RAP1GAP: variants seen among roughly 807,000 people sequenced by gnomAD.
RAP1GAP encodes RAP1 GTPase activating protein.
In RAP1GAP, 35 loss-of-function variants were observed where a neutral mutation model predicts 87.2. That is an observed-to-expected ratio of 0.40 (90% CI 0.31 to 0.53). RAP1GAP has a LOEUF of 0.53. Among genes scored for constraint, RAP1GAP ranks in the 20% least tolerant of loss-of-function variants. The pLI is 0.48. For missense variants in RAP1GAP, 734 were observed against 898.9 expected (o/e 0.82, Z 2.35); for synonymous variants, 375 against 363.9 (o/e 1.03, Z -0.35).
intron 1 of RAP1GAP, among the ~76,000 whole-genome samples, chr1:21,653,589 T>TTCCG (rs2096732054): frequency 2.0e-5 from 2 of 98,806 alleles, no homozygotes; most frequent in African/African-American, 3.3e-5. Context: ...CCTTCCTTCC[T>TTCCG]TCCTCCCTCC....
chr1:21,599,900 C>T (rs748448656), intron 20 of RAP1GAP, among the ~76,000 whole-genome samples: 12 of 152,338 alleles, frequency 7.9e-5, no homozygotes, highest in Non-Finnish European at 1.5e-4. Flanking sequence ...ATATCCTTGG[C>T]GTGGTGTTCA....
At chr1:21,667,415 C>T (rs144082628) in intron 1 of RAP1GAP, among the ~76,000 whole-genome samples, 4 of 152,282 alleles carry the variant, frequency 2.6e-5, no homozygotes, top group Non-Finnish European at 4.4e-5. Flanking sequence ...CAGGCAGGCA[C>T]CTTGGGAAGA....
At chr1:21,597,658 A>G in intron 24 of RAP1GAP, 28 bp downstream of exon 24, 1 of 1,561,516 alleles carries the variant, frequency 6.4e-7, no homozygotes, top group Non-Finnish European at 8.8e-7. Context: ...CTCTCCCACC[A>G]AACACAAGCT....
intron 3 of RAP1GAP, 44 bp downstream of exon 3, chr1:21,626,260 T>A: frequency 6.7e-7 from 1 of 1,487,564 alleles, no homozygotes; most frequent in South Asian, 1.1e-5. Flanking sequence ...GTGTCGGAGG[T>A]AGGGGGCAGA....
At position 21,609,331 on chromosome 1, in the gene RAP1GAP, G is replaced by A. The variant is rs143485502; in HGVS notation, c.1071+244C>T. ...CTGTCAGAAAGAGAACAGAAATGAG[G>A]AGAGGCCAGTCTACTATGGAAAGTG... On this transcript the variant is annotated intron_variant, in intron 15 of 24. Transcript: ENST00000374765. The surrounding 1 kb of genome is among the most constrained non-coding windows in gnomAD (Gnocchi z 4.4). Among the ~76,000 whole-genome samples the A allele has an allele frequency of 1.1e-4, 17 of 152,060 alleles. No individual in the cohort carries two copies. The highest frequency in any genetic ancestry group is 3.6e-4 in the African/African-American group (15 of 41,468).
intron 18 of RAP1GAP, among the ~76,000 whole-genome samples, chr1:21,604,449 G>A (rs896766659): frequency 3.3e-5 from 5 of 152,130 alleles, no homozygotes; most frequent in Admixed American, 2.6e-4. Context: ...CAAGGAGAGA[G>A]AGTAGAATGA....
intron 2 of RAP1GAP, among the ~76,000 whole-genome samples, chr1:21,641,841 C>T (rs969792211): frequency 6.6e-6 from 1 of 152,164 alleles, no homozygotes; most frequent in African/African-American, 2.4e-5. Context: ...GCCAACCTTC[C>T]CATTTCATAG....
At chr1:21,647,247 G>A (rs2096140779) in intron 2 of RAP1GAP, among the ~76,000 whole-genome samples, 1 of 152,164 alleles carries the variant, frequency 6.6e-6, no homozygotes, top group Non-Finnish European at 1.5e-5. Context: ...GATCACTTGA[G>A]CTCAGGAGTT....
At chr1:21,620,868 TCTCC>T (rs892617914) in intron 3 of RAP1GAP, among the ~76,000 whole-genome samples, 2 of 140,512 alleles carry the variant, frequency 1.4e-5, no homozygotes, top group Non-Finnish European at 3.2e-5. Context: ...TCTCTCTCTC[TCTCC>T]ATCTTTCTCC....
chr1:21,656,040 C>G (rs1236713080), intron 1 of RAP1GAP, among the ~76,000 whole-genome samples: 1 of 152,222 alleles, frequency 6.6e-6, no homozygotes, highest in Non-Finnish European at 1.5e-5. Flanking sequence ...CTGCCCTGGC[C>G]CAGGCAGCCT....
intron 2 of RAP1GAP, among the ~76,000 whole-genome samples, chr1:21,630,483 C>T (rs185710382): frequency 6.0e-5 from 9 of 150,178 alleles, no homozygotes; most frequent in East Asian, 2.0e-4. Flanking sequence ...CTGGAACTTC[C>T]GGGCTCAAGA....
intron 2 of RAP1GAP, among the ~76,000 whole-genome samples, chr1:21,630,841 G>A (rs959166623): frequency 1.3e-5 from 2 of 152,124 alleles, no homozygotes; most frequent in African/African-American, 4.8e-5. Flanking sequence ...ACAGGCATAA[G>A]CCACTGCACC....
chr1:21,617,168 T>A, intron 7 of RAP1GAP, 138 bp downstream of exon 7: 1 of 949,810 alleles, frequency 1.1e-6, no homozygotes, highest in South Asian at 1.7e-5. Context: ...GTGTGTGTGG[T>A]GGGAGCACAT....
At chr1:21,654,467 A>G (rs1251821013) in intron 1 of RAP1GAP, among the ~76,000 whole-genome samples, 1 of 152,210 alleles carries the variant, frequency 6.6e-6, no homozygotes, top group Non-Finnish European at 1.5e-5. Context: ...TTTGCCAAGG[A>G]TTACATAAGT....
chr1:21,598,565 C>T (rs1646648826), intron 21 of RAP1GAP, 63 bp from the exon 22 acceptor site: 3 of 1,277,032 alleles, frequency 2.3e-6, no homozygotes, highest in African/African-American at 2.9e-5. Context: ...GCTAGGGCTC[C>T]CTCCCAGCCC....
At chr1:21,633,488 G>A (rs1051365344) in intron 2 of RAP1GAP, among the ~76,000 whole-genome samples, 1 of 152,210 alleles carries the variant, frequency 6.6e-6, no homozygotes, top group Non-Finnish European at 1.5e-5. Flanking sequence ...GGCCAGGGCA[G>A]GTGGTACAGG....
rs765359510 is a variant in RAP1GAP at position 21,598,393 on chromosome 1, C to G, written c.1879+7G>C. ...TGCTTTGTGGGGAAGCTGCCTTGTCCTGGTACCTGGGGAGCTGCCCCCACT... is the reference window on the plus strand; with the variant it reads ...TGCTTTGTGGGGAAGCTGCCTTGTCGTGGTACCTGGGGAGCTGCCCCCACT... On this transcript the variant is annotated splice_region_variant and intron_variant, in intron 22 of 24. Coordinates refer to ENST00000374765, the MANE Select transcript of RAP1GAP (RefSeq NM_002885.4). 1.2e-6 allele frequency: 2 copies of G among 1,609,232 alleles called. No homozygotes were observed. The highest frequency in any genetic ancestry group is 1.7e-6 in the Non-Finnish European group (2 of 1,175,616).
At chr1:21,599,379 C>G in intron 21 of RAP1GAP, 115 bp downstream of exon 21, 1 of 1,445,090 alleles carries the variant, frequency 6.9e-7, no homozygotes, top group Non-Finnish European at 9.3e-7. Context: ...GGGCCGGGTC[C>G]CCTGATCACA....
At chr1:21,600,005 G>A (rs1767444) in intron 20 of RAP1GAP, among the ~76,000 whole-genome samples, 47,469 of 151,962 alleles carry the variant, frequency 0.31, 7,737 homozygotes, top group East Asian at 0.41. Flanking sequence ...TTATCTTATC[G>A]CTATGATTAT....
Sources: allele counts gnomAD v4.1 joint callset (sites outside exome capture counted in the v4.1 genomes callset), GRCh38; gene constraint gnomAD v4.1.1; non-coding constraint Gnocchi (gnomAD v3.1); transcripts MANE v1.5; gene names NCBI Gene and HGNC (gene_info 2026-07-23, HGNC 2026-07-21).